The following CKAP5 variants were observed in gnomAD, a reference collection of about 807,000 sequenced individuals.
The protein encoded by CKAP5 is cytoskeleton-associated protein 5.
Under a neutral mutation model 232.8 loss-of-function variants are expected in CKAP5, and 27 were observed. The observed-to-expected ratio is 0.12, with a 90% CI of 0.09 to 0.16. The LOEUF is 0.16. Among genes scored for constraint, CKAP5 ranks in the 10% least tolerant of loss-of-function variants. CKAP5 has a pLI of 1.00. For synonymous variants in CKAP5, 785 were observed against 841.1 expected (o/e 0.93, Z 1.16); for missense variants, 1,838 against 2,424.7 (o/e 0.76, Z 5.08).
chr11:46,772,719 G>T (rs944425002), intron 24 of CKAP5, among the ~76,000 whole-genome samples: 1 of 151,332 alleles, frequency 6.6e-6, no homozygotes, highest in African/African-American at 2.4e-5. Flanking sequence ...TAAGCTAATT[G>T]TAAAGTGATT....
At chr11:46,753,191 T>C in intron 37 of CKAP5, 119 bp downstream of exon 37, 1 of 732,320 alleles carries the variant, frequency 1.4e-6, no homozygotes, top group South Asian at 1.9e-5. Flanking sequence ...TAAGTGTGCC[T>C]AGGAAGTTGA....
At chr11:46,792,035 G>A (rs975156770) in intron 13 of CKAP5, among the ~76,000 whole-genome samples, 1 of 152,158 alleles carries the variant, frequency 6.6e-6, no homozygotes, top group Admixed American at 6.6e-5. Context: ...TACTTACCAT[G>A]TCATATCGAC....
At chr11:46,768,099 A>AT (rs988984150) in intron 26 of CKAP5, among the ~76,000 whole-genome samples, 8 of 151,492 alleles carry the variant, frequency 5.3e-5, no homozygotes, top group South Asian at 2.1e-4. Flanking sequence ...CCTGGCTTAG[A>AT]TTTTTTTTTC....
intron 1 of CKAP5, among the ~76,000 whole-genome samples, chr11:46,837,622 T>G (rs898777140): frequency 7.2e-5 from 11 of 151,998 alleles, no homozygotes; most frequent in Admixed American, 3.9e-4. Flanking sequence ...AAGATGAGCC[T>G]GGAACATTTC....
intron 4 of CKAP5, among the ~76,000 whole-genome samples, chr11:46,812,952 A>AATT (rs1436558864): frequency 6.6e-6 from 1 of 151,782 alleles, no homozygotes; most frequent in Non-Finnish European, 1.5e-5. Context: ...TCCTGGCCTT[A>AATT]ATTATTATTA....
chr11:46,770,741 A>AT lies in CKAP5; in HGVS notation c.3186+46dup, dbSNP rs754439177. On this transcript the variant is annotated intron_variant, in intron 25 of 43. Transcript: ENST00000529230. ...ACCGTGCCAGGCCCATGTTAAATAT[A>AT]TTTTTTAATAGCTTTTAACAGCAGT... The AT allele has an allele frequency of 6.4e-6, 10 of 1,559,414 alleles. No homozygotes were observed. The East Asian group carries it at 1.8e-4, about 28-fold the overall frequency.
At chr11:46,762,312 C>T in intron 31 of CKAP5, 119 bp from the exon 32 acceptor site, 1 of 1,131,386 alleles carries the variant, frequency 8.8e-7, no homozygotes. Context: ...CTGGCTCTGC[C>T]TAGGATTTTT....
At chr11:46,798,623 G>T (rs1030388881) in intron 9 of CKAP5, among the ~76,000 whole-genome samples, 1 of 151,178 alleles carries the variant, frequency 6.6e-6, no homozygotes, top group Non-Finnish European at 1.5e-5. Context: ...TGTATTGTAT[G>T]ACTCCATTTA....
intron 38 of CKAP5, among the ~76,000 whole-genome samples, 160 bp downstream of exon 38, chr11:46,752,475 T>A (rs1373688200): frequency 1.3e-5 from 2 of 151,760 alleles, no homozygotes; most frequent in African/African-American, 4.8e-5. Context: ...GCTAAATTTT[T>A]AAAAATTTAT....
chr11:46,788,317 G>GT (rs1228070805), intron 16 of CKAP5, among the ~76,000 whole-genome samples: 1 of 152,258 alleles, frequency 6.6e-6, no homozygotes, highest in Non-Finnish European at 1.5e-5. Flanking sequence ...GCTCACGCCC[G>GT]TAATCCCAGC....
chr11:46,788,828 A>C, intron 15 of CKAP5, 55 bp from the exon 16 acceptor site: 1 of 1,257,884 alleles, frequency 7.9e-7, no homozygotes, highest in Non-Finnish European at 1.1e-6. Flanking sequence ...CTTCCAAAGG[A>C]AGAGTAAATA....
At chr11:46,823,056 G>A (rs573951587) in intron 1 of CKAP5, among the ~76,000 whole-genome samples, 2 of 152,120 alleles carry the variant, frequency 1.3e-5, no homozygotes, top group Admixed American at 1.3e-4. Context: ...TGCCTCCTGG[G>A]CTCAAGCGAT....
chr11:46,780,529 C>A (rs753442859), intron 18 of CKAP5, 44 bp from the exon 19 acceptor site: 2 of 1,532,302 alleles, frequency 1.3e-6, no homozygotes, highest in African/African-American at 2.7e-5. Context: ...ATGAAACCCT[C>A]AAAATACTCA....
chr11:46,755,121 C>T (rs1251232044), intron 35 of CKAP5, 54 bp from the exon 36 acceptor site: 81 of 1,374,342 alleles, frequency 5.9e-5, no homozygotes, highest in Non-Finnish European at 7.8e-5. Context: ...TCTAAAATAG[C>T]GGAAGACACT....
intron 8 of CKAP5, 56 bp downstream of exon 8, chr11:46,807,975 A>G: frequency 8.1e-7 from 1 of 1,238,434 alleles, no homozygotes; most frequent in South Asian, 1.3e-5. Context: ...GACTGATGAG[A>G]AATTCAAAGG....
intron 1 of CKAP5, among the ~76,000 whole-genome samples, chr11:46,844,837 A>G (rs1411474709): frequency 6.6e-6 from 1 of 152,004 alleles, no homozygotes; most frequent in South Asian, 2.1e-4. Flanking sequence ...AGAGAGAGAG[A>G]GAGAGACGGG....
chr11:46,807,477 CCA>C (rs1939183465), intron 8 of CKAP5, among the ~76,000 whole-genome samples: 3 of 152,176 alleles, frequency 2.0e-5, no homozygotes, highest in Non-Finnish European at 2.9e-5. Flanking sequence ...ATAATCATAT[CCA>C]CAGTGTTTGA....
chr11:46,766,848 A>G (rs2065206181), intron 27 of CKAP5, among the ~76,000 whole-genome samples: 1 of 152,220 alleles, frequency 6.6e-6, no homozygotes, highest in Non-Finnish European at 1.5e-5. Context: ...TATTGAAAGA[A>G]TTGCTGATGC....
intron 1 of CKAP5, 109 bp downstream of exon 1, chr11:46,846,109 TGG>T (rs1344482008): frequency 6.6e-6 from 1 of 151,772 alleles, no homozygotes; most frequent in Admixed American, 6.5e-5. Context: ...GTGGGGCAAG[TGG>T]GGCGCGCGTC....
Sources: gnomAD v4.1 joint callset for allele counts (sites outside exome capture counted in the v4.1 genomes callset) on GRCh38, gnomAD v4.1.1 for gene constraint, MANE v1.5 for transcripts, NCBI Gene and HGNC (gene_info 2026-07-23, HGNC 2026-07-21) for gene names.